The following ENOSF1 variants were observed in gnomAD, a reference collection of about 807,000 sequenced individuals.
ENOSF1 encodes the protein mitochondrial enolase superfamily member 1.
A neutral mutation model predicts 68.2 loss-of-function variants in ENOSF1; 73 were observed. That is an observed-to-expected ratio of 1.07 (90% CI 0.89 to 1.30). ENOSF1 has a LOEUF of 1.30. Among genes scored for constraint, ENOSF1 ranks in the 50% most tolerant of loss-of-function variants. The pLI, the probability that ENOSF1 is intolerant of heterozygous loss-of-function variation, is 0.00. For synonymous variants in ENOSF1, 223 were observed against 210.4 expected (o/e 1.06, Z -0.52); for missense variants, 589 against 554.5 (o/e 1.06, Z -0.62).
At chr18:675,648 T>C (rs1598508923) in intron 14 of ENOSF1, 1 of 489,548 alleles carries the variant, frequency 2.0e-6, no homozygotes, top group Admixed American at 3.3e-5. Context: ...AGAGGTTTTG[T>C]GGTGCCCTTT....
chr18:697,103 T>A (rs575300416), intron 3 of ENOSF1, 137 bp downstream of exon 3: 1 of 699,864 alleles, frequency 1.4e-6, no homozygotes, highest in East Asian at 2.8e-5. Flanking sequence ...GGTGACAGAG[T>A]GAGACTCCAT....
chr18:690,926 A>T (rs904429881), intron 7 of ENOSF1, 142 bp downstream of exon 7: 1 of 1,188,362 alleles, frequency 8.4e-7, no homozygotes. Context: ...AGGCTTCACC[A>T]TGCAGACTTG....
At chr18:680,748 T>C (rs2076000531) in intron 11 of ENOSF1, among the ~76,000 whole-genome samples, 3 of 149,470 alleles carry the variant, frequency 2.0e-5, no homozygotes, top group African/African-American at 7.4e-5. Context: ...TGGCGCAAAC[T>C]TGGCTTACCG....
At chr18:668,330 T>C (rs1251057893), downstream of ENOSF1, among the ~76,000 whole-genome samples, 1 of 152,178 alleles carries the variant, frequency 6.6e-6, no homozygotes, top group Non-Finnish European at 1.5e-5. Flanking sequence ...AGTCTGACAC[T>C]AATAGGTAGA....
intron 11 of ENOSF1, among the ~76,000 whole-genome samples, chr18:680,121 A>G (rs1404119571): frequency 6.6e-6 from 1 of 152,216 alleles, no homozygotes; most frequent in East Asian, 1.9e-4. Context: ...GACTAAGCCA[A>G]CTTCTCAGCA....
At chr18:710,195 A>C (rs1343320680) in intron 1 of ENOSF1, among the ~76,000 whole-genome samples, 1 of 151,712 alleles carries the variant, frequency 6.6e-6, no homozygotes, top group Non-Finnish European at 1.5e-5. Context: ...TGCAGCCTCG[A>C]CCTCCTGGAC....
At chr18:699,195 C>G (rs2145259203) in intron 2 of ENOSF1, among the ~76,000 whole-genome samples, 1 of 152,224 alleles carries the variant, frequency 6.6e-6, no homozygotes, top group South Asian at 2.1e-4. Context: ...GGACCTGGCG[C>G]TCACTCCTGT....
intron 1 of ENOSF1, among the ~76,000 whole-genome samples, chr18:706,959 C>T (rs1397302502): frequency 2.0e-5 from 3 of 151,884 alleles, no homozygotes; most frequent in South Asian, 4.2e-4. Context: ...GCTGGGATTA[C>T]AGGCACGTGC....
chr18:671,597 AG>A lies in ENOSF1; in HGVS notation c.*2707del. ...TTCAGTTTAGGGAGAAGTGGTGGGC[AG>A]GTGGGCAGGACAAGGCAGGCATCTG... is the stretch of plus-strand genomic sequence containing the variant. On this transcript the variant is annotated 3_prime_UTR_variant, in exon 16 of 16. Transcript: ENST00000647584. 1 of 681,310 alleles carries A rather than the reference AG, an allele frequency of 1.5e-6. No individual in the cohort carries two copies. Among genetic ancestry groups the A allele is most frequent in the Non-Finnish European group, 2.6e-6 (1 of 385,548 alleles). The allele number at this position is 681,310 out of a possible 1,614,324, so 42.2% of individuals were successfully genotyped here. A position where few individuals can be genotyped will look rare whatever the true frequency, so the allele number is the denominator to read the frequency against.
chr18:694,965 A>G (rs2077574012), intron 3 of ENOSF1, among the ~76,000 whole-genome samples: 1 of 152,170 alleles, frequency 6.6e-6, no homozygotes. Context: ...AAACAAGGAT[A>G]TTTTCTTACA....
downstream of ENOSF1, among the ~76,000 whole-genome samples, chr18:667,053 A>C (rs287600): frequency 5.1e-4 from 13 of 25,460 alleles, 4 homozygotes; most frequent in East Asian, 0.013. Flanking sequence ...ATGGTGATGG[A>C]GATGGAGATG....
chr18:688,304 G>A (rs753392690), intron 9 of ENOSF1: 3 of 444,504 alleles, frequency 6.7e-6, no homozygotes, highest in South Asian at 6.1e-5. Flanking sequence ...TGACAGTAAA[G>A]ACTGGATTTC....
At chr18:700,622 T>C (rs1387235151) in intron 2 of ENOSF1, among the ~76,000 whole-genome samples, 2 of 152,232 alleles carry the variant, frequency 1.3e-5, no homozygotes, top group East Asian at 1.9e-4. Flanking sequence ...CGGTGGCTCA[T>C]GCCTGTAATC....
intron 10 of ENOSF1, among the ~76,000 whole-genome samples, chr18:684,187 G>C (rs567767544): frequency 1.3e-5 from 2 of 151,670 alleles, no homozygotes; most frequent in Non-Finnish European, 2.9e-5. Flanking sequence ...AGTAGAGACG[G>C]GGTTTCACCA....
downstream of ENOSF1, chr18:669,495 C>G (rs2074941894): frequency 4.8e-6 from 1 of 208,420 alleles, no homozygotes; most frequent in Non-Finnish European, 9.8e-6. Context: ...GCCTCAGCCT[C>G]CCAAGTAGCT....
intron 2 of ENOSF1, among the ~76,000 whole-genome samples, chr18:701,095 G>A (rs1363289098): frequency 2.6e-5 from 4 of 152,090 alleles, no homozygotes; most frequent in African/African-American, 9.7e-5. Flanking sequence ...TGGGTGACTT[G>A]TGGGTGTCTG....
rs781361212 is a variant in ENOSF1 at position 690,559 on chromosome 18, G to GT, written c.607dup (p.Thr203AsnfsTer18). 6.2e-7 allele frequency: 1 copy of GT among 1,614,108 alleles called. No individual in the cohort carries two copies. The stretch of plus-strand genomic sequence containing the variant: ...GGTTAAAATGCCCACCTGCTTCAAC[G>GT]TGTCATCTGAGTACCCCAGCCAGGC... On this transcript the variant is annotated frameshift_variant, in exon 8 of 16. Coordinates refer to ENST00000647584, the MANE Select transcript of ENOSF1 (RefSeq NM_017512.7). LOFTEE classifies it high-confidence loss of function.
chr18:670,659 A>G lies in ENOSF1; in HGVS notation c.*3646T>C, dbSNP rs562136578. On this transcript the variant is annotated 3_prime_UTR_variant, in exon 16 of 16. Transcript: ENST00000647584. ...TTTAGCTGTGGTCTTTCAAACCACC[A>G]TCCCTCCTTATCTTCCTCTGCTGGT... The G allele has an allele frequency of 3.1e-6, 5 of 1,609,152 alleles. No homozygotes were observed. The African/African-American group carries it at 5.3e-5, about 17-fold the overall frequency.
intron 13 of ENOSF1, 140 bp downstream of exon 13, chr18:677,603 A>G: frequency 7.5e-7 from 1 of 1,328,132 alleles, no homozygotes; most frequent in Admixed American, 2.3e-5. Context: ...AAATTCCCGG[A>G]TTAAAGCTAA....
Sources: gnomAD v4.1 joint callset for allele counts (sites outside exome capture counted in the v4.1 genomes callset) on GRCh38, gnomAD v4.1.1 for gene constraint, MANE v1.5 for transcripts, NCBI Gene and HGNC (gene_info 2026-07-23, HGNC 2026-07-21) for gene names.